Variants in ZNF384 observed in about 807,000 individuals in gnomAD.
The protein encoded by ZNF384 is CAG repeat protein 1.
ZNF384 carries 20 observed loss-of-function variants against 65.0 expected under a neutral mutation model. The ratio of observed to expected loss-of-function variants is 0.31; its 90% CI spans 0.22 to 0.45. The LOEUF is 0.45. Among genes scored for constraint, ZNF384 ranks in the 20% least tolerant of loss-of-function variants. The probability of loss-of-function intolerance (pLI) is 1.00; values close to 1 mark genes in which losing one functional copy is unlikely to be tolerated. For missense variants in ZNF384, 549 were observed against 769.4 expected, an observed-to-expected ratio of 0.71 and a Z score of 3.39; for synonymous variants, 310 against 303.9, an observed-to-expected ratio of 1.02 and a Z score of -0.21.
chr12:6,673,196 T>G lies in ZNF384; in HGVS notation c.1004+20A>C. The G allele has an allele frequency of 1.9e-6, 3 of 1,611,028 alleles. No homozygotes were observed. Among genetic ancestry groups the G allele is most frequent in the Non-Finnish European group, 2.5e-6 (3 of 1,178,138 alleles). ...TAGGGTTCACGGCCAGGTGGTGGGG[T>G]AAACCAAGAGCAGCCTTACCGGGTG... On this transcript the variant is annotated intron_variant, in intron 8 of 11. Transcript: ENST00000683879. The surrounding 1 kb of genome is among the most constrained non-coding windows in gnomAD (Gnocchi z 4.7).
chr12:6,667,632 A>G lies in ZNF384; in HGVS notation c.*82T>C. On this transcript the variant is annotated 3_prime_UTR_variant, in exon 12 of 12. Transcript: ENST00000683879. ...GGAGCCAAGGCCTGTCAAGGAAGAA[A>G]AGGACTTTTCCCACCAAGAGTTGGA... is the stretch of plus-strand genomic sequence containing the variant. The G allele has an allele frequency of 1.3e-6, 2 of 1,591,004 alleles. No individual in the cohort carries two copies. The highest frequency in any genetic ancestry group is 2.2e-5 in the East Asian group (1 of 44,772).
chr12:6,682,143 G>GAA (rs1344624309), intron 2 of ZNF384, among the ~76,000 whole-genome samples: 1 of 107,788 alleles, frequency 9.3e-6, no homozygotes, highest in East Asian at 2.6e-4. Context: ...AAAAAAAATT[G>GAA]AAAAAAAAAA....
At chr12:6,668,377 A>G (rs1464220584) in intron 11 of ZNF384, among the ~76,000 whole-genome samples, 1 of 152,174 alleles carries the variant, frequency 6.6e-6, no homozygotes, top group Non-Finnish European at 1.5e-5. Context: ...TGAATGAAAC[A>G]ACTTTACAAC....
chr12:6,678,186 G>A lies in ZNF384; in HGVS notation c.627C>T (p.Asp209=). Residue 209 remains aspartate (D), a synonymous_variant, in exon 6 of 12, where the codon GAC becomes GAT. Transcript: ENST00000683879. This position sits in a 1 kb window ranked among gnomAD's most constrained non-coding sequence, Gnocchi z 4.9. ...CATCCTCAGGGGAGAGGACATAAGG[G>A]TCATTCATCTCGGGCAGCCCTGATT... ...MLESGLPEMN[D]PYVLSPEDDD... The A allele has an allele frequency of 6.2e-7, 1 of 1,614,160 alleles. No homozygotes were observed. The highest frequency in any genetic ancestry group is 8.5e-7 in the Non-Finnish European group (1 of 1,180,032).
rs1950194741 is a variant in ZNF384, at chr12:6,667,996, A to G, written c.1545T>C (p.Ala515=). The stretch of plus-strand genomic sequence containing the variant: ...GGGCCTGGGCTTGAGCCTGAGCCTG[A>G]GCCTGGGCTTGAGCTTGAGCCTGGG... The part of the protein sequence containing the change: ...AQAQAQAQAQ[A]QAQAQAQAQA... The change falls in exon 12 of 12, where the codon GCT becomes GCC. Residue 515 remains alanine (A), a synonymous_variant. Coordinates refer to ENST00000683879, the MANE Select transcript of ZNF384 (RefSeq NM_001385745.1). 2 of 1,612,718 alleles carry G rather than the reference A, an allele frequency of 1.2e-6. No homozygotes were observed. The highest frequency in any genetic ancestry group is 1.7e-6 in the Non-Finnish European group (2 of 1,179,526).
chr12:6,667,161 A>C lies in ZNF384; in HGVS notation c.*553T>G, dbSNP rs1949969478. 1 of 262,768 alleles carries C rather than the reference A, an allele frequency of 3.8e-6. No individual in the cohort carries two copies. Among genetic ancestry groups the C allele is most frequent in the Non-Finnish European group, 7.4e-6 (1 of 134,560 alleles). 16.3% of individuals were successfully genotyped at this position (262,768 alleles called of 1,614,324 possible). A position where few individuals can be genotyped will look rare whatever the true frequency, so the allele number is the denominator to read the frequency against. On this transcript the variant is annotated 3_prime_UTR_variant, in exon 12 of 12. Transcript: ENST00000683879. The stretch of plus-strand genomic sequence containing the variant: ...TAAAAGGAGGTCTAGCCCCTACCCC[A>C]AATCTCCTTCTACCAGCAGTCAATA...
intron 10 of ZNF384, among the ~76,000 whole-genome samples, chr12:6,669,942 G>GCACACA (rs144377238): frequency 1.2e-4 from 17 of 139,154 alleles, no homozygotes; most frequent in Non-Finnish European, 2.3e-4. Context: ...ACGCGCGCGC[G>GCACACA]CACACACACA....
At chr12:6,687,800 G>A (rs990410493) in intron 2 of ZNF384, among the ~76,000 whole-genome samples, 3 of 152,126 alleles carry the variant, frequency 2.0e-5, no homozygotes, top group East Asian at 1.9e-4. Flanking sequence ...CCAGACACAG[G>A]AAAGCAATTC....
intron 6 of ZNF384, 139 bp from the exon 7 acceptor site, chr12:6,677,398 TC>T (rs1456135929): frequency 7.6e-6 from 7 of 926,624 alleles, no homozygotes; most frequent in Non-Finnish European, 9.4e-6. Context: ...GCTACCAAAC[TC>T]CCCAAACCCA....
Position 6,678,720 on chromosome 12 carries a change from G to C in ZNF384, c.305-10C>G. On this transcript the variant is annotated splice_polypyrimidine_tract_variant and intron_variant, in intron 4 of 11. Coordinates refer to ENST00000683879, the MANE Select transcript of ZNF384 (RefSeq NM_001385745.1). This position sits in a 1 kb window ranked among gnomAD's most constrained non-coding sequence, Gnocchi z 4.9. ...TGAGAACAGGAGACTCCTTGATTCA[G>C]AGAAGGAAAGAATGTCACCTCCTCA... 6.2e-7 allele frequency: 1 copy of C among 1,613,888 alleles called. No homozygotes were observed. The highest frequency in any genetic ancestry group is 8.5e-7 in the Non-Finnish European group (1 of 1,179,898).
intron 10 of ZNF384, 65 bp from the exon 11 acceptor site, chr12:6,669,254 G>A (rs535454274): frequency 1.3e-4 from 196 of 1,491,262 alleles, no homozygotes; most frequent in Non-Finnish European, 1.7e-4. Flanking sequence ...CCTTGACCTC[G>A]ATGGAAAGCA....
chr12:6,678,638 C>A lies in ZNF384; in HGVS notation c.352+25G>T, dbSNP rs776618710. On this transcript the variant is annotated intron_variant, in intron 5 of 11. Coordinates refer to ENST00000683879, the MANE Select transcript of ZNF384 (RefSeq NM_001385745.1). This position sits in a 1 kb window ranked among gnomAD's most constrained non-coding sequence, Gnocchi z 4.9. ...AATGGTCTCCTAACCCTTGTCCCCACCCCCCTGGTAACAGTGAGATTTACC... is the reference window on the plus strand; with the variant it reads ...AATGGTCTCCTAACCCTTGTCCCCAACCCCCTGGTAACAGTGAGATTTACC... The A allele has an allele frequency of 3.2e-5, 51 of 1,610,398 alleles. No homozygotes were observed. The highest frequency in any genetic ancestry group is 1.6e-4 in the Middle Eastern group (1 of 6,074).
At chr12:6,670,472 C>T (rs1191958631) in intron 10 of ZNF384, among the ~76,000 whole-genome samples, 1 of 152,132 alleles carries the variant, frequency 6.6e-6, no homozygotes, top group East Asian at 1.9e-4. Context: ...TAATGCCATT[C>T]TTCTCACTCA....
chr12:6,669,289 G>T (rs1194088363), intron 10 of ZNF384, 100 bp from the exon 11 acceptor site: 3 of 1,183,770 alleles, frequency 2.5e-6, no homozygotes, highest in Non-Finnish European at 3.6e-6. Flanking sequence ...AGGCCTCCCA[G>T]CTTCTCCCTC....
chr12:6,672,766 T>C lies in ZNF384; in HGVS notation c.1005-234A>G, dbSNP rs942195594. Among the ~76,000 whole-genome samples the C allele has an allele frequency of 1.3e-5, 2 of 152,170 alleles. No homozygotes were observed. The highest frequency in any genetic ancestry group is 4.8e-5 in the African/African-American group (2 of 41,434). Reference sequence around the variant, plus strand: ...TGAGATGATGAAGAGCTGCAACCCATGGCTCCTGGTAACCTTAAAGTAGTC... The same window carrying C: ...TGAGATGATGAAGAGCTGCAACCCACGGCTCCTGGTAACCTTAAAGTAGTC... On this transcript the variant is annotated intron_variant, in intron 8 of 11. Transcript: ENST00000683879. The surrounding 1 kb of genome is among the most constrained non-coding windows in gnomAD (Gnocchi z 4.4).
At position 6,679,441 on chromosome 12, in the gene ZNF384, G is replaced by A. The variant is rs1352131238; in HGVS notation, c.66+14C>T. The A allele has an allele frequency of 6.2e-7, 1 of 1,613,020 alleles. No homozygotes were observed. The highest frequency in any genetic ancestry group is 1.3e-5 in the African/African-American group (1 of 75,020). On this transcript the variant is annotated intron_variant, in intron 3 of 11. Transcript: ENST00000683879. Reference sequence around the variant, plus strand: ...ACTGAGACTTGGAGAGAGCAAGAAAGCAACACCACTTACCTGACCTGAGAC... The same window carrying A: ...ACTGAGACTTGGAGAGAGCAAGAAAACAACACCACTTACCTGACCTGAGAC...
intron 9 of ZNF384, 61 bp from the exon 10 acceptor site, chr12:6,670,899 A>G (rs1315877287): frequency 1.3e-6 from 2 of 1,501,808 alleles, no homozygotes; most frequent in East Asian, 4.5e-5. Context: ...GAACTGGCTC[A>G]ACAAATCTTC....
intron 10 of ZNF384, among the ~76,000 whole-genome samples, chr12:6,669,671 T>G (rs1246598467): frequency 6.6e-6 from 1 of 152,084 alleles, no homozygotes; most frequent in Non-Finnish European, 1.5e-5. Context: ...GCTAATTTTT[T>G]TTGTATTTTT....
chr12:6,685,989 T>C (rs899178278), intron 2 of ZNF384, among the ~76,000 whole-genome samples: 2 of 152,138 alleles, frequency 1.3e-5, no homozygotes, highest in South Asian at 2.1e-4. Flanking sequence ...GCTTTGTCTA[T>C]CTGACCACAT....
Sources: allele counts gnomAD v4.1 joint callset (sites outside exome capture counted in the v4.1 genomes callset), GRCh38; gene constraint gnomAD v4.1.1; non-coding constraint Gnocchi (gnomAD v3.1); transcripts MANE v1.5; gene names NCBI Gene and HGNC (gene_info 2026-07-23, HGNC 2026-07-21).